Variants in KLHDC10 observed in about 807,000 individuals in gnomAD.
KLHDC10 encodes kelch domain-containing protein 10.
KLHDC10 carries 24 observed loss-of-function variants against 56.1 expected under a neutral mutation model. The ratio of observed to expected loss-of-function variants is 0.43; its 90% CI spans 0.31 to 0.60. KLHDC10 has a LOEUF of 0.60. Ranked by LOEUF, KLHDC10 falls within the 20% of genes least tolerant of loss-of-function variation. The probability of loss-of-function intolerance (pLI) is 0.11; values close to 1 mark genes in which losing one functional copy is unlikely to be tolerated. For synonymous variants in KLHDC10, 188 were observed against 207.1 expected, an observed-to-expected ratio of 0.91 and a Z score of 0.79; for missense variants, 349 against 567.0, an observed-to-expected ratio of 0.62 and a Z score of 3.91.
intron 6 of KLHDC10, among the ~76,000 whole-genome samples, chr7:130,124,918 A>T (rs1796294868): frequency 6.6e-6 from 1 of 152,196 alleles, no homozygotes; most frequent in Non-Finnish European, 1.5e-5. Flanking sequence ...TTAGGGTTGC[A>T]CGTCATGAAC....
At chr7:130,072,117 G>A (rs1795422644) in intron 1 of KLHDC10, among the ~76,000 whole-genome samples, 1 of 152,064 alleles carries the variant, frequency 6.6e-6, no homozygotes, top group Admixed American at 6.6e-5. Flanking sequence ...GAAAAAAGGA[G>A]CAATCTTTTT....
intron 2 of KLHDC10, among the ~76,000 whole-genome samples, chr7:130,102,440 T>C (rs566265542): frequency 6.6e-6 from 1 of 152,272 alleles, no homozygotes; most frequent in South Asian, 2.1e-4. Flanking sequence ...ACAGAGATAA[T>C]GAACAAGTGG....
chr7:130,092,603 T>G (rs1795790552), intron 1 of KLHDC10, among the ~76,000 whole-genome samples: 1 of 152,188 alleles, frequency 6.6e-6, no homozygotes, highest in Admixed American at 6.5e-5. Context: ...GGGTTCTACC[T>G]TCTCCCTCTG....
intron 3 of KLHDC10, among the ~76,000 whole-genome samples, chr7:130,118,466 TCCAGA>T (rs1462485260): frequency 6.6e-6 from 1 of 152,234 alleles, no homozygotes; most frequent in African/African-American, 2.4e-5. Flanking sequence ...TGATCTTCTG[TCCAGA>T]CCACTTAAAC....
At chr7:130,086,678 T>C (rs918154958) in intron 1 of KLHDC10, among the ~76,000 whole-genome samples, 2 of 152,234 alleles carry the variant, frequency 1.3e-5, no homozygotes, top group Non-Finnish European at 2.9e-5. Flanking sequence ...TTTAGACTTA[T>C]CTCATGCTTC....
intron 2 of KLHDC10, among the ~76,000 whole-genome samples, chr7:130,103,855 T>C (rs1055502796): frequency 6.6e-6 from 1 of 152,066 alleles, no homozygotes; most frequent in Non-Finnish European, 1.5e-5. Context: ...TTTGGGAGGC[T>C]GAGGCGGGTG....
chr7:130,085,404 A>G (rs1795673560), intron 1 of KLHDC10, among the ~76,000 whole-genome samples: 1 of 151,916 alleles, frequency 6.6e-6, no homozygotes, highest in African/African-American at 2.4e-5. Context: ...AGTGAGAAGG[A>G]AAGGAGAAGC....
At chr7:130,086,933 T>C (rs1166712822) in intron 1 of KLHDC10, among the ~76,000 whole-genome samples, 1 of 152,254 alleles carries the variant, frequency 6.6e-6, no homozygotes, top group African/African-American at 2.4e-5. Flanking sequence ...GTCTTTTACA[T>C]CCTTATGTTT....
rs1234290154 is a variant in KLHDC10 at position 130,130,759 on chromosome 7, T to G, written c.*13T>G. 2.5e-6 allele frequency: 4 copies of G among 1,606,392 alleles called. No individual in the cohort carries two copies. Among genetic ancestry groups the G allele is most frequent in the African/African-American group, 1.3e-5 (1 of 74,752 alleles). On this transcript the variant is annotated 3_prime_UTR_variant, in exon 10 of 10. Coordinates refer to ENST00000335420, the MANE Select transcript of KLHDC10 (RefSeq NM_014997.4). This position sits in a 1 kb window ranked among gnomAD's most constrained non-coding sequence, Gnocchi z 4.2. ...ACGCTTGAAATGAGGATTTCTGGAC[T>G]GTTCATTGATACTGGAAATGTTAAT...
Position 130,120,637 on chromosome 7 carries a change from C to T in KLHDC10, c.476-112C>T. 4 of 1,158,044 alleles carry T rather than the reference C, an allele frequency of 3.5e-6. No homozygotes were observed. The highest frequency in any genetic ancestry group is 5.0e-6 in the Non-Finnish European group (4 of 801,306). 71.7% of individuals were successfully genotyped at this position (1,158,044 alleles called of 1,614,324 possible). On this transcript the variant is annotated intron_variant, in intron 3 of 9. Coordinates refer to ENST00000335420, the MANE Select transcript of KLHDC10 (RefSeq NM_014997.4). This position sits in a 1 kb window ranked among gnomAD's most constrained non-coding sequence, Gnocchi z 5.1. ...GTTAGATGTCAGTGGTTTGAGCTATCTTATGAGATCATTAAAGCAGATATG... is the reference window on the plus strand; with the variant it reads ...GTTAGATGTCAGTGGTTTGAGCTATTTTATGAGATCATTAAAGCAGATATG...
chr7:130,071,253 G>C (rs1795405381), intron 1 of KLHDC10, among the ~76,000 whole-genome samples: 1 of 152,226 alleles, frequency 6.6e-6, no homozygotes, highest in Non-Finnish European at 1.5e-5. Flanking sequence ...CACGGGGCGT[G>C]TGTGTAAGAG....
chr7:130,129,726 C>G, intron 9 of KLHDC10, 150 bp downstream of exon 9: 1 of 691,986 alleles, frequency 1.4e-6, no homozygotes, highest in Non-Finnish European at 2.3e-6. Flanking sequence ...CTAGGCCCTC[C>G]TCTAAGAAAA....
chr7:130,077,561 T>C (rs796971155), intron 1 of KLHDC10, among the ~76,000 whole-genome samples: 13 of 130,682 alleles, frequency 9.9e-5, no homozygotes, highest in African/African-American at 3.9e-4. Context: ...CTTTCTTTTT[T>C]TTTTTTTTTT....
At chr7:130,071,346 T>C (rs189587138) in intron 1 of KLHDC10, among the ~76,000 whole-genome samples, 4 of 152,272 alleles carry the variant, frequency 2.6e-5, no homozygotes, top group African/African-American at 9.6e-5. Context: ...TAGGGAAAAC[T>C]AGTTGGATTA....
intron 1 of KLHDC10, among the ~76,000 whole-genome samples, chr7:130,082,175 G>T (rs190874698): frequency 3.3e-5 from 5 of 152,280 alleles, no homozygotes; most frequent in Non-Finnish European, 7.3e-5. Flanking sequence ...TTAGCCAGCT[G>T]TGGGGGCACA....
In KLHDC10 at chr7:130,132,439, A is replaced by G. The variant is rs1796414313; in HGVS notation, c.*1693A>G. On this transcript the variant is annotated 3_prime_UTR_variant, in exon 10 of 10. Coordinates refer to ENST00000335420, the MANE Select transcript of KLHDC10 (RefSeq NM_014997.4). The stretch of plus-strand genomic sequence containing the variant: ...AAAGAGAAAACCGTAGCCTCCAGAC[A>G]TGCTCCTGATTTCTAGGCCTTATCA... 1 of 152,174 alleles carries G rather than the reference A, an allele frequency of 6.6e-6. No homozygotes were observed. Among genetic ancestry groups the G allele is most frequent in the African/African-American group, 2.4e-5 (1 of 41,428 alleles). 9.4% of individuals were successfully genotyped at this position (152,174 alleles called of 1,614,324 possible). A position where few individuals can be genotyped will look rare whatever the true frequency, so the allele number is the denominator to read the frequency against.
intron 1 of KLHDC10, among the ~76,000 whole-genome samples, chr7:130,087,762 C>CTT (rs777285968): frequency 7.1e-6 from 1 of 140,930 alleles, no homozygotes; most frequent in Non-Finnish European, 1.6e-5. Flanking sequence ...TATGGAATTT[C>CTT]TTTTTTTTTT....
At chr7:130,099,598 C>G (rs974089156) in intron 2 of KLHDC10, among the ~76,000 whole-genome samples, 1 of 152,012 alleles carries the variant, frequency 6.6e-6, no homozygotes, top group African/African-American at 2.4e-5. Flanking sequence ...CCATGGGGAT[C>G]AGGCAGCTTG....
intron 1 of KLHDC10, among the ~76,000 whole-genome samples, chr7:130,073,773 C>T (rs1253122466): frequency 1.3e-5 from 2 of 152,196 alleles, no homozygotes; most frequent in Non-Finnish European, 2.9e-5. Context: ...TTTATCCATC[C>T]AGTTATGCAA....
Sources: allele counts gnomAD v4.1 joint callset (sites outside exome capture counted in the v4.1 genomes callset), GRCh38; gene constraint gnomAD v4.1.1; non-coding constraint Gnocchi (gnomAD v3.1); transcripts MANE v1.5; gene names NCBI Gene and HGNC (gene_info 2026-07-23, HGNC 2026-07-21).